The following CTNNA2 variants were observed in gnomAD, a reference collection of about 807,000 sequenced individuals.
The protein encoded by CTNNA2 is catenin alpha 2, also known as catenin alpha-2.
Under a neutral mutation model 101.0 loss-of-function variants are expected in CTNNA2, and 42 were observed. That is an observed-to-expected ratio of 0.42 (90% CI 0.32 to 0.54). The LOEUF is 0.54. Ranked by LOEUF, CTNNA2 falls within the 20% of genes least tolerant of loss-of-function variation. The pLI is 0.14. For missense variants in CTNNA2, 871 were observed against 1,223.1 expected, an observed-to-expected ratio of 0.71 and a Z score of 4.29; for synonymous variants, 450 against 456.4, an observed-to-expected ratio of 0.99 and a Z score of 0.18.
At chr2:79,747,917 A>T (rs1012053587) in intron 3 of CTNNA2, among the ~76,000 whole-genome samples, 3 of 152,222 alleles carry the variant, frequency 2.0e-5, no homozygotes, top group African/African-American at 7.2e-5. Flanking sequence ...AAATTCAAAG[A>T]AGCATTACTA....
intron 7 of CTNNA2, among the ~76,000 whole-genome samples, chr2:79,988,096 C>T (rs77534772): frequency 0.025 from 3,785 of 152,254 alleles, 178 homozygotes; most frequent in African/African-American, 0.086. Flanking sequence ...GTATTACCCC[C>T]AAGAATTGGG....
At chr2:79,544,929 G>A (rs1330216071) in intron 1 of CTNNA2, among the ~76,000 whole-genome samples, 1 of 152,070 alleles carries the variant, frequency 6.6e-6, no homozygotes, top group Non-Finnish European at 1.5e-5. Context: ...CCCATTCTGT[G>A]CCCAATTGGA....
At chr2:79,912,459 C>T (rs545685080) in intron 7 of CTNNA2, among the ~76,000 whole-genome samples, 3 of 152,246 alleles carry the variant, frequency 2.0e-5, no homozygotes, top group South Asian at 2.1e-4. Context: ...ACTTAATGAA[C>T]GTGGGTGTGC....
intron 6 of CTNNA2, among the ~76,000 whole-genome samples, chr2:79,882,338 A>C (rs937313106): frequency 1.3e-5 from 2 of 152,120 alleles, no homozygotes; most frequent in Non-Finnish European, 2.9e-5. Context: ...CACCACAGAC[A>C]CTGTGGCCAC....
At chr2:80,333,707 T>C (rs1290330332) in intron 7 of CTNNA2, among the ~76,000 whole-genome samples, 1 of 152,070 alleles carries the variant, frequency 6.6e-6, no homozygotes, top group African/African-American at 2.4e-5. Context: ...CTCCCTGCAA[T>C]CTCTGCCTCC....
At chr2:79,444,690 T>C (rs1215150659) in intron 4 of CTNNA2, among the ~76,000 whole-genome samples, 2 of 152,070 alleles carry the variant, frequency 1.3e-5, no homozygotes, top group Non-Finnish European at 2.9e-5. Context: ...ACTCAAAATG[T>C]GTATGTGTGT....
chr2:80,009,049 A>G (rs1035873339), intron 7 of CTNNA2, among the ~76,000 whole-genome samples: 17 of 152,244 alleles, frequency 1.1e-4, no homozygotes, highest in African/African-American at 4.1e-4. Context: ...TGGAGAAGGC[A>G]TCTTGGGTGG....
intron 9 of CTNNA2, among the ~76,000 whole-genome samples, chr2:80,493,705 C>T (rs1687233355): frequency 6.6e-6 from 1 of 152,148 alleles, no homozygotes; most frequent in Non-Finnish European, 1.5e-5. Context: ...CATATCTGTC[C>T]TCTCCACTAG....
chr2:80,549,272 A>G (rs1035277970), intron 11 of CTNNA2, among the ~76,000 whole-genome samples: 2 of 152,246 alleles, frequency 1.3e-5, no homozygotes, highest in African/African-American at 4.8e-5. Context: ...GTAGGAAGCT[A>G]AGATCTGAAA....
chr2:79,333,068 A>T (rs1676911414), intron 3 of CTNNA2, among the ~76,000 whole-genome samples: 1 of 152,244 alleles, frequency 6.6e-6, no homozygotes, highest in African/African-American at 2.4e-5. Context: ...TTTTGAAAGA[A>T]ACGCAACAGA....
chr2:79,699,788 T>C (rs943023865), intron 2 of CTNNA2, among the ~76,000 whole-genome samples: 1 of 119,988 alleles, frequency 8.3e-6, no homozygotes, highest in African/African-American at 3.0e-5. Context: ...AAGAAAAAAA[T>C]ACACACACAC....
chr2:79,419,539 A>G (rs1678517645), intron 4 of CTNNA2, among the ~76,000 whole-genome samples: 1 of 152,126 alleles, frequency 6.6e-6, no homozygotes, highest in Admixed American at 6.6e-5. Flanking sequence ...AATTCTTTCC[A>G]TAAAGCCAAA....
chr2:80,598,108 A>G (rs186258009), intron 15 of CTNNA2, among the ~76,000 whole-genome samples: 4 of 152,354 alleles, frequency 2.6e-5, no homozygotes, highest in East Asian at 1.9e-4. Context: ...CATATACACC[A>G]TGGAATAGTA....
intron 3 of CTNNA2, among the ~76,000 whole-genome samples, chr2:79,351,183 T>C (rs1677378753): frequency 6.6e-6 from 1 of 152,212 alleles, no homozygotes; most frequent in African/African-American, 2.4e-5. Flanking sequence ...ATCTTTGAGA[T>C]CTTAGTCATA....
intron 4 of CTNNA2, among the ~76,000 whole-genome samples, chr2:79,434,357 T>C (rs1179396045): frequency 1.3e-5 from 2 of 149,734 alleles, no homozygotes; most frequent in East Asian, 1.9e-4. Flanking sequence ...TAATAGTGGA[T>C]AGAATGAAAA....
At chr2:79,428,084 T>A (rs1184330045) in intron 4 of CTNNA2, among the ~76,000 whole-genome samples, 1 of 152,128 alleles carries the variant, frequency 6.6e-6, no homozygotes, top group African/African-American at 2.4e-5. Flanking sequence ...TTTTATAATA[T>A]ATAAGGTTTC....
At chr2:80,142,569 T>C (rs947368469) in intron 7 of CTNNA2, among the ~76,000 whole-genome samples, 3 of 152,180 alleles carry the variant, frequency 2.0e-5, no homozygotes, top group Non-Finnish European at 4.4e-5. Flanking sequence ...AGTTTCTCAG[T>C]TGCAAGTCTC....
intron 3 of CTNNA2, among the ~76,000 whole-genome samples, chr2:79,314,642 T>C (rs13429561): frequency 0.14 from 21,661 of 152,188 alleles, 1,626 homozygotes; most frequent in East Asian, 0.17. Flanking sequence ...CTACATATTC[T>C]ATTGACCAAT....
At chr2:79,495,583 G>A (rs559329057) in intron 4 of CTNNA2, among the ~76,000 whole-genome samples, 1 of 152,244 alleles carries the variant, frequency 6.6e-6, no homozygotes, top group South Asian at 2.1e-4. Flanking sequence ...AATAAGCAGA[G>A]TTACCACGTG....
Sources: gnomAD v4.1 joint callset for allele counts (sites outside exome capture counted in the v4.1 genomes callset) on GRCh38, gnomAD v4.1.1 for gene constraint, MANE v1.5 for transcripts, NCBI Gene and HGNC (gene_info 2026-07-23, HGNC 2026-07-21) for gene names.